The following DST variants were observed in gnomAD, a reference collection of about 807,000 sequenced individuals.
DST encodes bullous pemphigoid antigen.
In DST, 253 loss-of-function variants were observed where a neutral mutation model predicts 875.2. That is an observed-to-expected ratio of 0.29 (90% confidence interval 0.26 to 0.32). The LOEUF is 0.32. Ranked by LOEUF, DST falls within the 10% of genes least tolerant of loss-of-function variation. The pLI, the probability that DST is intolerant of heterozygous loss-of-function variation, is 1.00. For synonymous variants in DST, 3,124 were observed against 3,197.1 expected (o/e 0.98, Z 0.77); for missense variants, 8,287 against 9,111.6 (o/e 0.91, Z 3.68).
intron 31 of DST, 57 bp from the exon 32 acceptor site, chr6:56,629,500 AT>A: frequency 1.1e-5 from 14 of 1,293,468 alleles, no homozygotes; most frequent in Non-Finnish European, 1.2e-5. Context: ...CTGGGTAAAT[AT>A]ATTATTTACC....
intron 10 of DST, among the ~76,000 whole-genome samples, chr6:56,666,608 TA>T (rs2099073516): frequency 1.3e-5 from 2 of 152,182 alleles, no homozygotes; most frequent in South Asian, 4.1e-4. Context: ...AAAATCCATA[TA>T]AATGTTTGAT....
chr6:56,845,920 G>C (rs1437716528), intron 4 of DST, among the ~76,000 whole-genome samples: 2 of 152,212 alleles, frequency 1.3e-5, no homozygotes, highest in Admixed American at 6.5e-5. Flanking sequence ...GGGTCAATAT[G>C]CTAATAATAA....
chr6:56,944,356 A>C (rs186595704), intron 2 of DST, among the ~76,000 whole-genome samples: 101 of 112,888 alleles, frequency 8.9e-4, no homozygotes, highest in African/African-American at 2.6e-3. Context: ...TCACAATAAC[A>C]AAAAAAAAAC....
intron 5 of DST, among the ~76,000 whole-genome samples, chr6:56,707,590 C>T (rs927511327): frequency 6.6e-6 from 1 of 152,160 alleles, no homozygotes; most frequent in Non-Finnish European, 1.5e-5. Flanking sequence ...GCTCTCTGGT[C>T]CACTATGCCT....
chr6:56,855,637 A>C (rs1257392379), intron 3 of DST, among the ~76,000 whole-genome samples: 1 of 152,224 alleles, frequency 6.6e-6, no homozygotes, highest in African/African-American at 2.4e-5. Flanking sequence ...TAGACCTTAC[A>C]AATTTTTATT....
At chr6:56,938,512 G>T (rs1314422109) in intron 2 of DST, among the ~76,000 whole-genome samples, 2 of 151,998 alleles carry the variant, frequency 1.3e-5, no homozygotes, top group African/African-American at 4.8e-5. Flanking sequence ...GGAAAAGACT[G>T]TCCAGGGAAA....
At position 56,897,354 on chromosome 6, in the gene DST, C is replaced by A. The variant is rs148276217; in HGVS notation, c.417+3067G>T. On this transcript the variant is annotated intron_variant, in intron 3 of 103. Transcript: ENST00000680361. ...TTTATTTATTTATTTATTTTTGAGA[C>A]GTAGTCTCACTCTATTGCCAAGGCT... 1.8e-3 allele frequency among the ~76,000 whole-genome samples: 269 copies of A among 148,126 alleles called. 1 individual carries two copies. The highest frequency in any genetic ancestry group is 2.4e-3 in the Non-Finnish European group (160 of 67,640).
chr6:56,935,698 T>A (rs1389273034), intron 2 of DST, among the ~76,000 whole-genome samples: 1 of 152,090 alleles, frequency 6.6e-6, no homozygotes, highest in Non-Finnish European at 1.5e-5. Context: ...GAGGCCAAAG[T>A]GGGCGGATCA....
intron 10 of DST, among the ~76,000 whole-genome samples, chr6:56,663,871 C>G (rs1031502423): frequency 1.3e-5 from 2 of 152,086 alleles, no homozygotes; most frequent in African/African-American, 4.8e-5. Flanking sequence ...ACAACCTATT[C>G]CCAAAATTTT....
intron 55 of DST, 89 bp from the exon 56 acceptor site, chr6:56,562,289 A>ACTCAGTGATTACTGTTGAT: frequency 1.7e-6 from 1 of 586,684 alleles, no homozygotes; most frequent in Non-Finnish European, 2.7e-6. Context: ...CCCCATCAAC[A>ACTCAGTGATTACTGTTGAT]GTAATCACAC....
intron 4 of DST, chr6:56,843,358 G>A (rs2099802838): frequency 2.5e-6 from 3 of 1,186,892 alleles, no homozygotes; most frequent in Non-Finnish European, 3.1e-6. Flanking sequence ...CCTCCGGGCA[G>A]GCCGATGGTG....
chr6:56,514,176 C>T (rs2096542972), intron 72 of DST, among the ~76,000 whole-genome samples: 1 of 152,176 alleles, frequency 6.6e-6, no homozygotes, highest in East Asian at 1.9e-4. Flanking sequence ...CTATTTGATG[C>T]TATGCTAAAA....
At chr6:56,616,805 G>T (rs1488035974) in intron 36 of DST, 1 of 1,614,010 alleles carries the variant, frequency 6.2e-7, no homozygotes, top group African/African-American at 1.3e-5. Flanking sequence ...TGTCTTAGAA[G>T]AATAAGAATA....
rs768679542 is a variant in DST, at chr6:56,639,272, C to T, written c.2951G>A (p.Arg984Gln). ...EQLLLENHPA[R>Q]LTIEAYRAAM... is the part of the protein sequence containing the mutation. ...TTCCAGCTTTACCTCAATAGTTAAC[C>T]GGGCTGGATGATTTTCTAGAAGTAG... The change falls in exon 22 of 104, where the codon CGG (arginine) becomes CAG (glutamine). Residue 984 changes from arginine to glutamine, a missense_variant. Arg to Gln is a conservative substitution (Grantham distance 43). This residue lies in a region of DST where 1,160 missense variants were observed against 1,424.3 expected (regional missense o/e 0.81). Coordinates refer to ENST00000680361, the MANE Select transcript of DST (RefSeq NM_001374736.1). 1.1e-5 allele frequency: 18 copies of T among 1,612,890 alleles called. No homozygotes were observed. The highest frequency in any genetic ancestry group is 3.3e-5 in the South Asian group (3 of 91,040).
intron 71 of DST, among the ~76,000 whole-genome samples, chr6:56,516,328 C>T (rs983699881): frequency 4.6e-5 from 7 of 152,018 alleles, no homozygotes; most frequent in African/African-American, 1.7e-4. Context: ...GAAGATAAAG[C>T]ACAATCATAA....
chr6:56,937,426 T>C (rs952846760), intron 2 of DST, among the ~76,000 whole-genome samples: 7 of 152,310 alleles, frequency 4.6e-5, no homozygotes, highest in Non-Finnish European at 1.0e-4. Flanking sequence ...TCAACATCAT[T>C]AGTCTTTAGG....
intron 3 of DST, among the ~76,000 whole-genome samples, chr6:56,872,765 T>C (rs1777813302): frequency 6.6e-6 from 1 of 150,724 alleles, no homozygotes; most frequent in Admixed American, 6.6e-5. Flanking sequence ...GATAGAAAGA[T>C]AGAGTAATTT....
chr6:56,493,655 T>C (rs1216350127), intron 83 of DST, among the ~76,000 whole-genome samples: 5 of 152,134 alleles, frequency 3.3e-5, no homozygotes, highest in African/African-American at 1.2e-4. Flanking sequence ...CTCTCTTGCT[T>C]TCCCTCTCTC....
chr6:56,745,528 A>G (rs560088960), intron 4 of DST, among the ~76,000 whole-genome samples: 2 of 152,342 alleles, frequency 1.3e-5, no homozygotes, highest in Admixed American at 1.3e-4. Context: ...CCATTTAAAA[A>G]TATAGAAAAT....
Sources: gnomAD v4.1 joint callset for allele counts (sites outside exome capture counted in the v4.1 genomes callset) on GRCh38, gnomAD v4.1.1 for gene constraint, gnomAD v4.1.1 regional missense constraint, MANE v1.5 for transcripts, NCBI Gene and HGNC (gene_info 2026-07-23, HGNC 2026-07-21) for gene names.